ZC3H12B: variants seen among roughly 807,000 people sequenced by gnomAD.
ZC3H12B encodes the protein zinc finger CCCH-type containing 12B.
Under a neutral mutation model 43.9 loss-of-function variants are expected in ZC3H12B, and 7 were observed. The ratio of observed to expected loss-of-function variants is 0.16; its 90% CI spans 0.09 to 0.30. The LOEUF (loss-of-function observed/expected upper bound fraction) is 0.30. Among genes scored for constraint, ZC3H12B ranks in the 10% least tolerant of loss-of-function variants. The pLI, the probability that ZC3H12B is intolerant of heterozygous loss-of-function variation, is 1.00. For missense variants in ZC3H12B, 475 were observed against 670.2 expected, an observed-to-expected ratio of 0.71 and a Z score of 3.22; for synonymous variants, 222 against 241.7, an observed-to-expected ratio of 0.92 and a Z score of 0.76.
In ZC3H12B at chrX:65,448,765, C is replaced by G. The variant is rs753191530; in HGVS notation, n.408-39881C>G. Among the ~76,000 whole-genome samples the G allele has an allele frequency of 1.4e-3, 148 of 106,236 alleles. 1 individual carries two copies. Among genetic ancestry groups the G allele is most frequent in the African/African-American group, 5.1e-3 (146 of 28,521 alleles). 92.3% of individuals were successfully genotyped at this position (106,236 alleles called of 115,157 possible). A position where few individuals can be genotyped will look rare whatever the true frequency, so the allele number is the denominator to read the frequency against. ...CCAGGAGGTGGAGGTTGCAGTGAAC[C>G]AAGATTCACACCACTGCACTCCAGC... On this transcript the variant is annotated intron_variant and non_coding_transcript_variant, in intron 3 of 5. Coordinates refer to the ZC3H12B transcript ENST00000617377.
chrX:65,427,456 G>A (rs1306526521), intron 3 of ZC3H12B, among the ~76,000 whole-genome samples: 2 of 110,766 alleles, frequency 1.8e-5, no homozygotes. Context: ...AGCCTCCCAA[G>A]TAGCTGGGAC....
chrX:65,386,951 C>G (rs1004451127), intron 2 of ZC3H12B, among the ~76,000 whole-genome samples: 2 of 111,508 alleles, frequency 1.8e-5, no homozygotes, highest in South Asian at 7.6e-4. Context: ...TGTAGTTGAG[C>G]GATTTTGAGT....
At chrX:65,226,630 G>A in the ZC3H12B span, among the ~76,000 whole-genome samples, 39 of 111,151 alleles carry the variant, frequency 3.5e-4, 1 homozygote, top group Non-Finnish European at 6.4e-4. Context: ...CTGTATTCAG[G>A]AAACCCATCT....
intron 2 of ZC3H12B, among the ~76,000 whole-genome samples, chrX:65,374,279 TA>T (rs1458751499): frequency 2.1e-4 from 19 of 91,818 alleles, no homozygotes; most frequent in African/African-American, 7.3e-4. Context: ...ACTATATATA[TA>T]TATATATATA....
the ZC3H12B span, among the ~76,000 whole-genome samples, chrX:65,116,883 A>G: frequency 1.8e-5 from 2 of 111,840 alleles, no homozygotes; most frequent in Non-Finnish European, 3.8e-5. Context: ...TCTGCAAGGG[A>G]CATACTCATC....
the ZC3H12B span, among the ~76,000 whole-genome samples, chrX:65,134,178 G>A: frequency 9.0e-6 from 1 of 110,711 alleles, no homozygotes; most frequent in Non-Finnish European, 1.9e-5. Context: ...AGAAAAGAGA[G>A]GGTAGAGACA....
exon 5 of ZC3H12B, chrX:65,504,955 A>G (rs1303870154): frequency 8.9e-6 from 1 of 112,704 alleles, no homozygotes; most frequent in Non-Finnish European, 1.9e-5. Flanking sequence ...CAAAGAGTGC[A>G]CTTGCTGTTA....
At chrX:65,153,956 C>A in the ZC3H12B span, among the ~76,000 whole-genome samples, 4 of 110,884 alleles carry the variant, frequency 3.6e-5, no homozygotes, top group Non-Finnish European at 5.7e-5. Flanking sequence ...TGGAAATCAT[C>A]ATTCTCAGTA....
the ZC3H12B span, among the ~76,000 whole-genome samples, chrX:65,299,929 A>T: frequency 1.8e-5 from 2 of 112,275 alleles, no homozygotes; most frequent in Admixed American, 9.4e-5. Context: ...TTGACCTTAC[A>T]TAGAGCTGGG....
At chrX:65,463,245 G>A (rs1176941354) in intron 3 of ZC3H12B, among the ~76,000 whole-genome samples, 1 of 111,809 alleles carries the variant, frequency 8.9e-6, no homozygotes, top group Non-Finnish European at 1.9e-5. Context: ...TAACAAAGCT[G>A]CACAAGTACC....
the ZC3H12B span, among the ~76,000 whole-genome samples, chrX:65,225,083 C>A: frequency 8.9e-6 from 1 of 111,920 alleles, no homozygotes; most frequent in Non-Finnish European, 1.9e-5. Flanking sequence ...CAAGTGGGTC[C>A]CTGACCCCTG....
chrX:65,247,661 C>T, the ZC3H12B span, among the ~76,000 whole-genome samples: 1 of 112,360 alleles, frequency 8.9e-6, no homozygotes, highest in Non-Finnish European at 1.9e-5. Context: ...ACTGCATGTT[C>T]TCACTTATAA....
At chrX:65,234,127 T>C in the ZC3H12B span, among the ~76,000 whole-genome samples, 1 of 111,239 alleles carries the variant, frequency 9.0e-6, no homozygotes, top group African/African-American at 3.3e-5. Flanking sequence ...ACTAGCAAAC[T>C]CAACTCAAAC....
chrX:65,167,341 T>C, the ZC3H12B span, among the ~76,000 whole-genome samples: 6 of 111,791 alleles, frequency 5.4e-5, no homozygotes, highest in Non-Finnish European at 1.1e-4. Flanking sequence ...TTGTCAAAGA[T>C]CAGATGTTTG....
the ZC3H12B span, among the ~76,000 whole-genome samples, chrX:65,211,687 A>C: frequency 6.8e-5 from 6 of 88,283 alleles, no homozygotes; most frequent in Non-Finnish European, 1.3e-4. Flanking sequence ...AATTATATAT[A>C]TAATATTATA....
intron 1 of ZC3H12B, among the ~76,000 whole-genome samples, chrX:65,491,922 G>A (rs1368714610): frequency 1.8e-5 from 2 of 109,680 alleles, no homozygotes; most frequent in Non-Finnish European, 3.8e-5. Flanking sequence ...ACAGCAATCA[G>A]AATGATGCAG....
the ZC3H12B span, among the ~76,000 whole-genome samples, chrX:65,131,415 G>A: frequency 9.0e-6 from 1 of 111,466 alleles, no homozygotes; most frequent in Non-Finnish European, 1.9e-5. Context: ...GGACAGAAAG[G>A]CTACAGGGTG....
chrX:65,435,776 T>C (rs1437268057), intron 3 of ZC3H12B, among the ~76,000 whole-genome samples: 1 of 111,479 alleles, frequency 9.0e-6, no homozygotes, highest in Non-Finnish European at 1.9e-5. Flanking sequence ...AGTTCCACAG[T>C]ATACTGTATG....
the ZC3H12B span, among the ~76,000 whole-genome samples, chrX:65,354,033 G>A: frequency 3.6e-5 from 4 of 111,588 alleles, no homozygotes; most frequent in South Asian, 1.1e-3. Flanking sequence ...GGTTGTGGGC[G>A]CAGCTTCAAC....
Sources: allele counts gnomAD v4.1 joint callset (sites outside exome capture counted in the v4.1 genomes callset), GRCh38; gene constraint gnomAD v4.1.1; transcripts MANE v1.5; gene names NCBI Gene and HGNC (gene_info 2026-07-23, HGNC 2026-07-21).